The following LHFPL3 variants were observed in gnomAD, a reference collection of about 807,000 sequenced individuals.
LHFPL3 encodes the protein LHFPL tetraspan subfamily member 3.
LHFPL3 carries 5 observed loss-of-function variants against 19.3 expected under a neutral mutation model. The observed-to-expected ratio is 0.26, with a 90% CI of 0.14 to 0.54. The LOEUF is 0.54. Among genes scored for constraint, LHFPL3 ranks in the 20% least tolerant of loss-of-function variants. The probability of loss-of-function intolerance (pLI) is 0.94; values close to 1 mark genes in which losing one functional copy is unlikely to be tolerated. For missense variants in LHFPL3, 249 were observed against 307.4 expected, an observed-to-expected ratio of 0.81 and a Z score of 1.42; for synonymous variants, 133 against 126.2, an observed-to-expected ratio of 1.05 and a Z score of -0.36.
intron 1 of LHFPL3, among the ~76,000 whole-genome samples, chr7:104,485,243 A>G (rs564097286): frequency 2.7e-4 from 41 of 151,480 alleles, no homozygotes; most frequent in Non-Finnish European, 5.4e-4. Context: ...TATCATGCAA[A>G]GGCAGTTTTT....
chr7:104,668,311 G>T, intron 1 of LHFPL3: 1 of 1,604,256 alleles, frequency 6.2e-7, no homozygotes. Context: ...GGCCGTGATA[G>T]AAATCGGGAT....
intron 2 of LHFPL3, among the ~76,000 whole-genome samples, chr7:104,818,801 T>A (rs1362797275): frequency 6.6e-6 from 1 of 151,588 alleles, no homozygotes; most frequent in Non-Finnish European, 1.5e-5. Flanking sequence ...TCTCTCTCTC[T>A]CACTCACTCA....
chr7:104,684,079 T>G (rs1042560099), intron 1 of LHFPL3, among the ~76,000 whole-genome samples: 1 of 152,260 alleles, frequency 6.6e-6, no homozygotes, highest in Non-Finnish European at 1.5e-5. Flanking sequence ...TGTTAATTTA[T>G]AACTCTGGGT....
At chr7:104,404,678 A>G (rs1467785684) in intron 1 of LHFPL3, among the ~76,000 whole-genome samples, 1 of 152,194 alleles carries the variant, frequency 6.6e-6, no homozygotes, top group Non-Finnish European at 1.5e-5. Context: ...TGTATTAGGA[A>G]GGAGCCCTTT....
At chr7:104,812,803 C>CAAAAAAAAAAAAAA (rs59809377) in intron 2 of LHFPL3, among the ~76,000 whole-genome samples, 3 of 31,314 alleles carry the variant, frequency 9.6e-5, no homozygotes, top group Admixed American at 5.8e-4. Context: ...GACTCCATCT[C>CAAAAAAAAAAAAAA]AAAAAAAAAA....
chr7:104,741,729 G>GT (rs1026959054), intron 2 of LHFPL3, among the ~76,000 whole-genome samples: 6 of 151,950 alleles, frequency 3.9e-5, no homozygotes, highest in Non-Finnish European at 8.8e-5. Flanking sequence ...GGCGGGGGTT[G>GT]TTTTTTGTAG....
rs1305575362 is a variant in LHFPL3 at position 104,751,132 on chromosome 7, C to T, written c.682+14221C>T. ...AGCATAGCTTTATGCATAGCTCCTCCGATTCAATCCAGGCTTTTACATATT... is the reference window on the plus strand; with the variant it reads ...AGCATAGCTTTATGCATAGCTCCTCTGATTCAATCCAGGCTTTTACATATT... On this transcript the variant is annotated intron_variant, in intron 2 of 2. Coordinates refer to ENST00000424859, the MANE Select transcript of LHFPL3 (RefSeq NM_199000.3). Among the ~76,000 whole-genome samples, 2 of 1,306 alleles carry T rather than the reference C, an allele frequency of 1.5e-3. 1 individual carries two copies. The highest frequency in any genetic ancestry group is 0.083 in the Non-Finnish European group (2 of 24). The allele number at this position is 1,306 out of a possible 152,430, so 0.9% of individuals were successfully genotyped here.
At chr7:104,668,716 G>GA (rs1562961869) in intron 1 of LHFPL3, 2 of 1,570,582 alleles carry the variant, frequency 1.3e-6, no homozygotes, top group African/African-American at 3.6e-5. Context: ...GATGATAGAG[G>GA]TCCCCCCCCC....
chr7:104,689,951 G>A (rs983683525), intron 1 of LHFPL3, among the ~76,000 whole-genome samples: 3 of 152,198 alleles, frequency 2.0e-5, no homozygotes, highest in Admixed American at 6.5e-5. Context: ...GACAGGTAGG[G>A]TGAGGGCTAT....
chr7:104,732,682 G>T (rs1224304189), intron 1 of LHFPL3, among the ~76,000 whole-genome samples: 1 of 152,068 alleles, frequency 6.6e-6, no homozygotes. Context: ...CCAGCTCCTG[G>T]ATTCATTGAT....
intron 1 of LHFPL3, among the ~76,000 whole-genome samples, chr7:104,449,028 A>G (rs771887131): frequency 3.9e-5 from 6 of 152,218 alleles, no homozygotes; most frequent in East Asian, 3.8e-4. Flanking sequence ...GCCTTTACCT[A>G]TCTTTCAAAA....
At chr7:104,823,961 C>A (rs1790728137) in intron 2 of LHFPL3, among the ~76,000 whole-genome samples, 1 of 150,294 alleles carries the variant, frequency 6.7e-6, no homozygotes, top group African/African-American at 2.5e-5. Context: ...ACCTGGCCAG[C>A]ATGGTGAAAC....
chr7:104,407,909 C>A (rs1584298859), intron 1 of LHFPL3, among the ~76,000 whole-genome samples: 1 of 152,254 alleles, frequency 6.6e-6, no homozygotes, highest in East Asian at 1.9e-4. Flanking sequence ...GGATTTGAAC[C>A]CATGAATTAC....
rs1793394926 is a variant in LHFPL3 at position 104,716,715 on chromosome 7, G to A, written c.446-19960G>A. ...GAAAGACATCTCATGTTTATGGATT[G>A]GAAGATTTAATACTGTAAAAATGTC... On this transcript the variant is annotated intron_variant, in intron 1 of 2. Transcript: ENST00000424859. Among the ~76,000 whole-genome samples, 3 of 152,164 alleles carry A rather than the reference G, an allele frequency of 2.0e-5. No homozygotes were observed. In the South Asian group the frequency reaches 6.2e-4, roughly 32 times the overall value.
chr7:104,526,862 A>G (rs34243865), intron 1 of LHFPL3, among the ~76,000 whole-genome samples: 2,028 of 152,316 alleles, frequency 0.013, 19 homozygotes, highest in East Asian at 0.029. Context: ...AATGAAGAAG[A>G]TGTTCAAAGT....
intron 1 of LHFPL3, among the ~76,000 whole-genome samples, chr7:104,347,000 A>G (rs1427375589): frequency 6.6e-6 from 1 of 150,588 alleles, no homozygotes; most frequent in Non-Finnish European, 1.5e-5. Context: ...GGGTAATTGT[A>G]TGACCTTGGA....
intron 1 of LHFPL3, among the ~76,000 whole-genome samples, chr7:104,712,499 T>G (rs1478749396): frequency 1.3e-5 from 2 of 152,194 alleles, no homozygotes; most frequent in African/African-American, 4.8e-5. Flanking sequence ...CACCTCCAAA[T>G]ACCATCACAT....
chr7:104,626,461 C>G (rs1380764735), intron 1 of LHFPL3, among the ~76,000 whole-genome samples: 1 of 152,156 alleles, frequency 6.6e-6, no homozygotes, highest in East Asian at 1.9e-4. Flanking sequence ...TTATGGCCCT[C>G]TTTATAGCAA....
intron 2 of LHFPL3, chr7:104,785,278 C>T (rs1350253972): frequency 6.6e-6 from 1 of 152,346 alleles, no homozygotes; most frequent in East Asian, 1.9e-4. Context: ...TTCACACTCC[C>T]AAGGACTTCA....
Sources: gnomAD v4.1 joint callset for allele counts (sites outside exome capture counted in the v4.1 genomes callset) on GRCh38, gnomAD v4.1.1 for gene constraint, MANE v1.5 for transcripts, NCBI Gene and HGNC (gene_info 2026-07-23, HGNC 2026-07-21) for gene names.